FOXM1: variants seen among roughly 807,000 people sequenced by gnomAD.
FOXM1 encodes forkhead box protein M1.
In FOXM1, 25 loss-of-function variants were observed where a neutral mutation model predicts 63.6. The ratio of observed to expected loss-of-function variants is 0.39; its 90% CI spans 0.29 to 0.55. FOXM1 has a LOEUF of 0.55. Ranked by LOEUF, FOXM1 falls within the 20% of genes least tolerant of loss-of-function variation. FOXM1 has a pLI of 0.60. For synonymous variants in FOXM1, 387 were observed against 376.9 expected, an observed-to-expected ratio of 1.03 and a Z score of -0.31; for missense variants, 879 against 958.7, an observed-to-expected ratio of 0.92 and a Z score of 1.10.
At chr12:2,876,756 C>T (rs1037879597) in intron 1 of FOXM1, among the ~76,000 whole-genome samples, 164 bp downstream of exon 1, 1 of 152,168 alleles carries the variant, frequency 6.6e-6, no homozygotes, top group South Asian at 2.1e-4. Context: ...AGGAGGTGGA[C>T]GCAGAAAAAA....
Position 2,859,579 on chromosome 12 carries a change from A to G in FOXM1, c.1351T>C (p.Ser451Pro). The G allele has an allele frequency of 6.2e-7, 1 of 1,613,954 alleles. No individual in the cohort carries two copies. The highest frequency in any genetic ancestry group is 1.3e-5 in the African/African-American group (1 of 75,034). Reference sequence around the variant, plus strand: ...ATAGTCTGAACTGGAAGCAAAGGAGAAAACCCTTCTCCAAACAGGAGTTTC... The same window carrying G: ...ATAGTCTGAACTGGAAGCAAAGGAGGAAACCCTTCTCCAAACAGGAGTTTC... ...EEKLLFGEGF[S>P]PLLPVQTIKE... Residue 451 changes from serine (S) to proline (P), a missense_variant, in exon 9 of 9, where the codon TCT (serine) becomes CCT (proline). By Grantham distance (74) the Ser-to-Pro change is moderately conservative. Around this residue, in one of 4 missense-constraint regions of FOXM1, gnomAD observed 486 missense variants for 453.5 expected, o/e 1.07. Coordinates refer to ENST00000359843, the MANE Select transcript of FOXM1 (RefSeq NM_021953.4).
rs2098120325 is a variant in FOXM1, at chr12:2,864,869, G to C, written c.1021-117C>G. 4 of 1,158,892 alleles carry C rather than the reference G, an allele frequency of 3.5e-6. No homozygotes were observed. The highest frequency in any genetic ancestry group is 5.2e-6 in the Non-Finnish European group (4 of 775,170). 71.8% of individuals were successfully genotyped at this position (1,158,892 alleles called of 1,614,324 possible). On this transcript the variant is annotated intron_variant, in intron 6 of 8. Coordinates refer to ENST00000359843, the MANE Select transcript of FOXM1 (RefSeq NM_021953.4). This position sits in a 1 kb window ranked among gnomAD's most constrained non-coding sequence, Gnocchi z 5.1. ...GTGTGCTTGAGTTAATGACAGCCCA[G>C]AGAGAGGAGGCCAACCTGAGGGGAT... is the stretch of plus-strand genomic sequence containing the variant.
In FOXM1 at chr12:2,859,258, G is replaced by A. The variant is rs1317464970; in HGVS notation, c.1672C>T (p.Pro558Ser). 6.2e-7 allele frequency: 1 copy of A among 1,613,696 alleles called. No individual in the cohort carries two copies. Among genetic ancestry groups the A allele is most frequent in the East Asian group, 2.2e-5 (1 of 44,866 alleles). ...QHLLPPCVDE[P>S]ELLFSEGPST... ...GGCCCCTCTGAGAAGAGCAGCTCCGGCTCATCCACACAGGGAGGCAGTAGA... is the reference window on the plus strand; with the variant it reads ...GGCCCCTCTGAGAAGAGCAGCTCCGACTCATCCACACAGGGAGGCAGTAGA... Residue 558 changes from proline to serine, a missense_variant, in exon 9 of 9, where the codon CCG becomes TCG. Pro to Ser is a moderately conservative substitution (Grantham distance 74). Coordinates refer to ENST00000359843, the MANE Select transcript of FOXM1 (RefSeq NM_021953.4).
chr12:2,858,889 G>T lies in FOXM1; in HGVS notation c.2041C>A (p.Pro681Thr). Residue 681 changes from proline (P) to threonine (T), a missense_variant, in exon 9 of 9, where the codon CCC (proline) becomes ACC (threonine). Physicochemically the swap from Pro to Thr is conservative, Grantham distance 38. Around this residue, in one of 4 missense-constraint regions of FOXM1, gnomAD observed 486 missense variants for 453.5 expected, o/e 1.07. Coordinates refer to ENST00000359843, the MANE Select transcript of FOXM1 (RefSeq NM_021953.4). ...AAGGGGACGGAGATGAGGTCTAAGG[G>T]TTCTGAACTGAGGAGCCTTTGCGGT... ...ESPQRLLSSE[P>T]LDLISVPFGN... is the part of the protein sequence containing the mutation. The T allele has an allele frequency of 6.2e-7, 1 of 1,614,036 alleles. No homozygotes were observed. Among genetic ancestry groups the T allele is most frequent in the Non-Finnish European group, 8.5e-7 (1 of 1,180,012 alleles).
At chr12:2,859,704 G>C in intron 8 of FOXM1, 41 bp from the exon 9 acceptor site, 1 of 1,452,158 alleles carries the variant, frequency 6.9e-7, no homozygotes, top group Non-Finnish European at 9.3e-7. Flanking sequence ...ACGGTCACCA[G>C]ACAGGACGCA....
rs373526321 is a variant in FOXM1, at chr12:2,874,430, G to A, written c.49C>T (p.Pro17Ser). 1 of 1,613,824 alleles carries A rather than the reference G, an allele frequency of 6.2e-7. No individual in the cohort carries two copies. Among genetic ancestry groups the A allele is most frequent in the Non-Finnish European group, 8.5e-7 (1 of 1,179,878 alleles). Residue 17 changes from proline to serine, a missense_variant, in exon 2 of 9, where the codon CCC (proline) becomes TCC (serine). By Grantham distance (74) the Pro-to-Ser change is moderately conservative. This residue lies in a region of FOXM1 where 255 missense variants were observed against 292.4 expected (regional missense o/e 0.87). Transcript: ENST00000359843. The surrounding 1 kb of genome is among the most constrained non-coding windows in gnomAD (Gnocchi z 4.3). ...CTTGGGGCATTTTGAACAGGAAGGG[G>A]CAGCCTCCGTCTTTTGAGAATCAGT... ...RPLILKRRRL[P>S]LPVQNAPSET...
At chr12:2,870,007 T>G (rs1196655008) in intron 3 of FOXM1, among the ~76,000 whole-genome samples, 1 of 151,128 alleles carries the variant, frequency 6.6e-6, no homozygotes, top group Non-Finnish European at 1.5e-5. Context: ...TTTTTTTTTT[T>G]GAGACAGAGT....
chr12:2,859,930 C>A, intron 8 of FOXM1: 1 of 373,192 alleles, frequency 2.7e-6, no homozygotes, highest in Non-Finnish European at 4.8e-6. Flanking sequence ...AGATTTAATG[C>A]ATGAAAATAA....
intron 4 of FOXM1, among the ~76,000 whole-genome samples, chr12:2,867,893 G>A (rs1489886774): frequency 2.0e-5 from 3 of 149,512 alleles, no homozygotes; most frequent in Admixed American, 1.4e-4. Flanking sequence ...CAGGAGAATC[G>A]CTTGAACCTT....
Position 2,874,349 on chromosome 12 carries a change from C to G in FOXM1, c.130G>C (p.Ala44Pro). Residue 44 changes from alanine to proline, a missense_variant, in exon 2 of 9, where the codon GCA (alanine) becomes CCA (proline). Physicochemically the swap from Ala to Pro is conservative, Grantham distance 27 (BLOSUM62 -1). This residue lies in a region of FOXM1 where 255 missense variants were observed against 292.4 expected (regional missense o/e 0.87). Transcript: ENST00000359843. This position sits in a 1 kb window ranked among gnomAD's most constrained non-coding sequence, Gnocchi z 4.3. ...RSPAQQESNQAEASKEVAESN... is the reference protein window; with the variant it reads ...RSPAQQESNQPEASKEVAESN... ...TCTGCCACTTCCTTGGAGGCCTCTG[C>G]TTGATTAGACTCCTGTTGGGCAGGG... 1 of 1,614,068 alleles carries G rather than the reference C, an allele frequency of 6.2e-7. No individual in the cohort carries two copies. The highest frequency in any genetic ancestry group is 1.1e-5 in the South Asian group (1 of 91,072).
Position 2,866,483 on chromosome 12 carries a change from A to G in FOXM1, c.885T>C (p.Phe295=). 2 of 1,574,652 alleles carry G rather than the reference A, an allele frequency of 1.3e-6. No individual in the cohort carries two copies. The highest frequency in any genetic ancestry group is 1.7e-6 in the Non-Finnish European group (2 of 1,162,636). Residue 295 remains phenylalanine (F), a synonymous_variant, in exon 5 of 9, where the codon TTT becomes TTC. Coordinates refer to ENST00000359843, the MANE Select transcript of FOXM1 (RefSeq NM_021953.4). ...TGCCATTGGCAGACGTCTCCCGGAC[A>G]AACATGTCGTGCAGGGAAAGGTTGT... ...IRHNLSLHDM[F]VRETSANGKV...
At chr12:2,867,542 G>A (rs1460639855) in intron 4 of FOXM1, among the ~76,000 whole-genome samples, 1 of 151,822 alleles carries the variant, frequency 6.6e-6, no homozygotes, top group South Asian at 2.1e-4. Flanking sequence ...GGCGCCTGTA[G>A]TCCCAGCTAC....
chr12:2,866,089 G>A (rs908539894), intron 5 of FOXM1, among the ~76,000 whole-genome samples: 3 of 152,222 alleles, frequency 2.0e-5, no homozygotes, highest in African/African-American at 4.8e-5. Context: ...CTGGGAAGCT[G>A]TGTTTTAACA....
chr12:2,860,604 T>G (rs926321692), intron 8 of FOXM1, among the ~76,000 whole-genome samples: 2 of 152,194 alleles, frequency 1.3e-5, no homozygotes, highest in African/African-American at 4.8e-5. Context: ...CTGGGTGCGG[T>G]GGCTCACGCC....
At chr12:2,869,878 T>C (rs946933177) in intron 3 of FOXM1, among the ~76,000 whole-genome samples, 7 of 151,234 alleles carry the variant, frequency 4.6e-5, no homozygotes, top group African/African-American at 1.5e-4. Flanking sequence ...TCAGCCGCTA[T>C]GCCCGGTCTC....
chr12:2,864,802 G>A lies in FOXM1; in HGVS notation c.1021-50C>T. The A allele has an allele frequency of 1.3e-6, 2 of 1,593,734 alleles. No individual in the cohort carries two copies. Among genetic ancestry groups the A allele is most frequent in the South Asian group, 1.1e-5 (1 of 90,606 alleles). On this transcript the variant is annotated intron_variant, in intron 6 of 8. Transcript: ENST00000359843. The surrounding 1 kb of genome is among the most constrained non-coding windows in gnomAD (Gnocchi z 5.1). ...AAGAAACCTATGTTAACACAATAAG[G>A]TAAAGAGGGGATGGCAAAACCCCAC...
At chr12:2,873,413 A>AG (rs1486768136) in intron 2 of FOXM1, among the ~76,000 whole-genome samples, 1 of 150,666 alleles carries the variant, frequency 6.6e-6, no homozygotes, top group Non-Finnish European at 1.5e-5. Flanking sequence ...AAAAAAAAAA[A>AG]AAAAAGAAGG....
At chr12:2,867,361 G>C (rs915386441) in intron 4 of FOXM1, among the ~76,000 whole-genome samples, 25 of 152,102 alleles carry the variant, frequency 1.6e-4, no homozygotes, top group Middle Eastern at 3.4e-3. Flanking sequence ...CAGCTACTTG[G>C]GATGTTGAGG....
chr12:2,858,596 C>G lies in FOXM1; in HGVS notation c.*42G>C, dbSNP rs780816776. 1 of 1,570,644 alleles carries G rather than the reference C, an allele frequency of 6.4e-7. No individual in the cohort carries two copies. The highest frequency in any genetic ancestry group is 8.7e-7 in the Non-Finnish European group (1 of 1,153,108). On this transcript the variant is annotated 3_prime_UTR_variant, in exon 9 of 9. Transcript: ENST00000359843. ...GGGGTGCACTGAGCCTTGGAGTGCC[C>G]GGGATGGTGGACAGCTTGAGCACAG...
Sources: allele counts gnomAD v4.1 joint callset (sites outside exome capture counted in the v4.1 genomes callset), GRCh38; gene constraint gnomAD v4.1.1; regional missense constraint gnomAD v4.1.1; non-coding constraint Gnocchi (gnomAD v3.1); transcripts MANE v1.5; gene names NCBI Gene and HGNC (gene_info 2026-07-23, HGNC 2026-07-21).